Variants in PRR16 observed in about 807,000 individuals in gnomAD.
The protein encoded by PRR16 is proline rich 16, also known as protein Largen.
PRR16 carries 6 observed loss-of-function variants against 18.2 expected under a neutral mutation model. The ratio of observed to expected loss-of-function variants is 0.33; its 90% CI spans 0.18 to 0.65. The LOEUF is 0.65. Among genes scored for constraint, PRR16 ranks in the 30% least tolerant of loss-of-function variants. The pLI, the probability that PRR16 is intolerant of heterozygous loss-of-function variation, is 0.74. For missense variants in PRR16, 412 were observed against 376.6 expected, an observed-to-expected ratio of 1.09 and a Z score of -0.78; for synonymous variants, 151 against 147.8, an observed-to-expected ratio of 1.02 and a Z score of -0.16.
chr5:120,703,013 G>A, the PRR16 span, among the ~76,000 whole-genome samples: 2 of 152,202 alleles, frequency 1.3e-5, no homozygotes, highest in Admixed American at 6.5e-5. Flanking sequence ...TGAGCAACAT[G>A]GCTGTTTATT....
intron 1 of PRR16, among the ~76,000 whole-genome samples, chr5:120,507,998 C>G (rs1030848575): frequency 1.3e-5 from 2 of 152,114 alleles, no homozygotes; most frequent in African/African-American, 4.8e-5. Flanking sequence ...GTTTGAGACA[C>G]TAATGTGCCC....
chr5:120,723,973 TA>T, the PRR16 span, among the ~76,000 whole-genome samples: 1,309 of 147,072 alleles, frequency 8.9e-3, 9 homozygotes, highest in Middle Eastern at 0.028. Context: ...ATTATGGCAT[TA>T]AAAAAAAAAC....
intron 1 of PRR16, among the ~76,000 whole-genome samples, chr5:120,515,136 G>A (rs1333960871): frequency 1.3e-5 from 2 of 152,178 alleles, no homozygotes; most frequent in Non-Finnish European, 2.9e-5. Context: ...TTCTTGCTGT[G>A]TCATAATATC....
At chr5:120,500,366 A>G (rs758594900) in intron 1 of PRR16, among the ~76,000 whole-genome samples, 9 of 152,200 alleles carry the variant, frequency 5.9e-5, no homozygotes, top group Admixed American at 3.9e-4. Context: ...TTCTTCTTCT[A>G]TCACCCTTTC....
At chr5:120,485,364 T>C (rs1273964802) in intron 1 of PRR16, among the ~76,000 whole-genome samples, 1 of 152,194 alleles carries the variant, frequency 6.6e-6, no homozygotes, top group Non-Finnish European at 1.5e-5. Context: ...ATTTTATTAA[T>C]GAAATATTAT....
At chr5:120,545,872 A>G (rs1314266795) in intron 1 of PRR16, among the ~76,000 whole-genome samples, 1 of 152,116 alleles carries the variant, frequency 6.6e-6, no homozygotes, top group Non-Finnish European at 1.5e-5. Context: ...CTTGAAAAGT[A>G]GGATGAGTTC....
At chr5:120,480,737 A>C (rs1174030283) in intron 1 of PRR16, among the ~76,000 whole-genome samples, 1 of 152,184 alleles carries the variant, frequency 6.6e-6, no homozygotes, top group Non-Finnish European at 1.5e-5. Flanking sequence ...GGGAATGAAG[A>C]ATATATTTAA....
At chr5:120,479,890 T>TA (rs199690266) in intron 1 of PRR16, among the ~76,000 whole-genome samples, 133 of 151,266 alleles carry the variant, frequency 8.8e-4, no homozygotes, top group African/African-American at 2.8e-3. Flanking sequence ...TTAGATGAAG[T>TA]AAAAAAAAAT....
the PRR16 span, among the ~76,000 whole-genome samples, chr5:120,771,421 A>C: frequency 1.3e-5 from 2 of 152,220 alleles, no homozygotes; most frequent in African/African-American, 4.8e-5. Context: ...TACTATACAC[A>C]AAAGCAGATG....
At chr5:120,623,400 A>G (rs1230697347) in intron 1 of PRR16, among the ~76,000 whole-genome samples, 1 of 152,168 alleles carries the variant, frequency 6.6e-6, no homozygotes, top group Non-Finnish European at 1.5e-5. Context: ...GAGGTACTTC[A>G]GTGTAATTAT....
At chr5:120,518,962 A>G (rs1221419182) in intron 1 of PRR16, among the ~76,000 whole-genome samples, 1 of 152,160 alleles carries the variant, frequency 6.6e-6, no homozygotes, top group African/African-American at 2.4e-5. Flanking sequence ...TGTTTAAGAT[A>G]CTGTAGTTAT....
intron 1 of PRR16, among the ~76,000 whole-genome samples, chr5:120,640,442 A>G (rs889368661): frequency 5.3e-5 from 8 of 152,300 alleles, no homozygotes; most frequent in Middle Eastern, 3.4e-3. Context: ...AGCCACGCAC[A>G]CATAAATTTT....
the PRR16 span, among the ~76,000 whole-genome samples, chr5:120,750,768 G>A: frequency 2.0e-5 from 3 of 152,014 alleles, no homozygotes; most frequent in African/African-American, 7.3e-5. Flanking sequence ...CTGGGTAATC[G>A]AGATATTCAC....
chr5:120,514,320 G>T (rs1048276646), intron 1 of PRR16, among the ~76,000 whole-genome samples: 2 of 152,040 alleles, frequency 1.3e-5, no homozygotes, highest in Non-Finnish European at 2.9e-5. Flanking sequence ...TGAATAGAAC[G>T]TGGCTTCCTA....
the PRR16 span, among the ~76,000 whole-genome samples, chr5:120,753,700 C>T: frequency 6.7e-5 from 10 of 149,808 alleles, no homozygotes; most frequent in African/African-American, 2.5e-4. Flanking sequence ...ACATACATTG[C>T]CTTGTTCAAT....
intron 1 of PRR16, among the ~76,000 whole-genome samples, chr5:120,508,924 C>T (rs895811644): frequency 2.0e-5 from 3 of 151,948 alleles, no homozygotes; most frequent in African/African-American, 7.2e-5. Flanking sequence ...TTACTATATG[C>T]TCCTTTTTGT....
chr5:120,635,419 A>G (rs62376459), intron 1 of PRR16, among the ~76,000 whole-genome samples: 2,335 of 152,312 alleles, frequency 0.015, 25 homozygotes, highest in Non-Finnish European at 0.025. Flanking sequence ...ATAATGCACC[A>G]TGATCAAGTG....
At chr5:120,712,135 A>G in the PRR16 span, among the ~76,000 whole-genome samples, 8 of 152,148 alleles carry the variant, frequency 5.3e-5, no homozygotes, top group African/African-American at 9.7e-5. Context: ...GTTTTGGTAT[A>G]CGTATACATA....
chr5:120,641,177 T>C (rs1265673862), intron 1 of PRR16, among the ~76,000 whole-genome samples: 1 of 152,158 alleles, frequency 6.6e-6, no homozygotes, highest in East Asian at 1.9e-4. Context: ...TTGCCTTCTT[T>C]GTATGCAAGA....
Sources: gnomAD v4.1 joint callset for allele counts (sites outside exome capture counted in the v4.1 genomes callset) on GRCh38, gnomAD v4.1.1 for gene constraint, MANE v1.5 for transcripts, NCBI Gene and HGNC (gene_info 2026-07-23, HGNC 2026-07-21) for gene names.